Variants in RNF40 observed in about 807,000 individuals in gnomAD.
RNF40 encodes the protein E3 ubiquitin-protein ligase BRE1B.
Under a neutral mutation model 123.3 loss-of-function variants are expected in RNF40, and 39 were observed. That is an observed-to-expected ratio of 0.32 (90% CI 0.24 to 0.41). The LOEUF is 0.41. RNF40 is among the 10% of genes least tolerant of loss of function. The pLI is 1.00. For missense variants in RNF40, 1,003 were observed against 1,319.9 expected (o/e 0.76, Z 3.72); for synonymous variants, 538 against 526.0 (o/e 1.02, Z -0.31).
In RNF40 at chr16:30,774,735, C is replaced by G. The variant is rs1235918864; in HGVS notation, c.*621C>G. The G allele has an allele frequency of 5.8e-6, 2 of 343,406 alleles. No homozygotes were observed. The highest frequency in any genetic ancestry group is 4.3e-5 in the African/African-American group (2 of 46,424). The allele number at this position is 343,406 out of a possible 1,614,324, so 21.3% of individuals were successfully genotyped here. A position where few individuals can be genotyped will look rare whatever the true frequency, so the allele number is the denominator to read the frequency against. On this transcript the variant is annotated 3_prime_UTR_variant, in exon 20 of 20. Coordinates refer to ENST00000324685, the MANE Select transcript of RNF40 (RefSeq NM_014771.4). ...CCTTTGGGAAGCTCTAAGGTTGCTGCAGTCACCTTCCTCATCTTGCAGGTG... is the reference window on the plus strand; with the variant it reads ...CCTTTGGGAAGCTCTAAGGTTGCTGGAGTCACCTTCCTCATCTTGCAGGTG...
At chr16:30,767,869 C>G in intron 11 of RNF40, 25 bp from the exon 12 acceptor site, 2 of 1,614,156 alleles carry the variant, frequency 1.2e-6, no homozygotes, top group East Asian at 4.5e-5. Flanking sequence ...GGTTCTGACA[C>G]CTTTACTTGC....
intron 11 of RNF40, chr16:30,767,628 G>A (rs1296960990): frequency 5.6e-6 from 2 of 355,122 alleles, no homozygotes. Flanking sequence ...AACAAAGTGA[G>A]ACACTGTTTC....
chr16:30,764,441 G>T, intron 5 of RNF40, 56 bp downstream of exon 5: 2 of 1,464,936 alleles, frequency 1.4e-6, no homozygotes, highest in Non-Finnish European at 1.9e-6. Flanking sequence ...CATCTTGATG[G>T]CACCCCTTCC....
chr16:30,775,858 C>T lies in RNF40; in HGVS notation c.*1744C>T, dbSNP rs2054226514. Reference sequence around the variant, plus strand: ...TTGGCGCCCGGGACTTAAGCGGGGCCGCCGCTGCTGGACCAGGACGAACTG... The same window carrying T: ...TTGGCGCCCGGGACTTAAGCGGGGCTGCCGCTGCTGGACCAGGACGAACTG... On this transcript the variant is annotated 3_prime_UTR_variant, in exon 20 of 20. Coordinates refer to ENST00000324685, the MANE Select transcript of RNF40 (RefSeq NM_014771.4). 1 of 152,234 alleles carries T rather than the reference C, an allele frequency of 6.6e-6. No individual in the cohort carries two copies. Among genetic ancestry groups the T allele is most frequent in the Non-Finnish European group, 1.5e-5 (1 of 68,064 alleles). 9.4% of individuals were successfully genotyped at this position (152,234 alleles called of 1,614,324 possible). A position where few individuals can be genotyped will look rare whatever the true frequency, so the allele number is the denominator to read the frequency against.
chr16:30,762,281 G>A (rs1377565383), upstream of RNF40: 4 of 463,754 alleles, frequency 8.6e-6, no homozygotes, highest in Middle Eastern at 5.5e-4. Context: ...CACCGTTGGG[G>A]GGGGGGCAGT....
chr16:30,771,107 A>G (rs2054140656), intron 17 of RNF40, among the ~76,000 whole-genome samples: 1 of 152,226 alleles, frequency 6.6e-6, no homozygotes, highest in Non-Finnish European at 1.5e-5. Context: ...CTTCCAGTCA[A>G]AGCTGGAACT....
intron 11 of RNF40, chr16:30,767,663 C>A: frequency 4.2e-6 from 2 of 478,510 alleles, no homozygotes; most frequent in South Asian, 3.6e-5. Context: ...ACAAAAAACC[C>A]CACATATTCT....
At position 30,762,977 on chromosome 16, in the gene RNF40, T is replaced by C. The variant is rs556121600; in HGVS notation, c.133-141T>C. 3.1e-6 allele frequency: 3 copies of C among 967,888 alleles called. No homozygotes were observed. In the African/African-American group the frequency reaches 4.9e-5, roughly 16 times the overall value. The allele number at this position is 967,888 out of a possible 1,614,324, so 60.0% of individuals were successfully genotyped here. A position where few individuals can be genotyped will look rare whatever the true frequency, so the allele number is the denominator to read the frequency against. On this transcript the variant is annotated intron_variant, in intron 2 of 19. Coordinates refer to ENST00000324685, the MANE Select transcript of RNF40 (RefSeq NM_014771.4). ...ACTTTCGCTGTGTGTTGTCTGAGCC[T>C]CCTTAGATTCTGTTAGCGGTTAGTG...
intron 15 of RNF40, 83 bp from the exon 16 acceptor site, chr16:30,769,103 C>T: frequency 6.3e-7 from 1 of 1,595,414 alleles, no homozygotes; most frequent in Non-Finnish European, 8.6e-7. Flanking sequence ...TAGTTCTTTG[C>T]TTCGCTGCGT....
chr16:30,763,804 A>G (rs984525548), intron 4 of RNF40, among the ~76,000 whole-genome samples: 1 of 152,228 alleles, frequency 6.6e-6, no homozygotes, highest in African/African-American at 2.4e-5. Flanking sequence ...TGAGTATTAA[A>G]TATGTATTTG....
chr16:30,768,742 G>A lies in RNF40; in HGVS notation c.2097+6G>A. On this transcript the variant is annotated splice_donor_region_variant and intron_variant, in intron 14 of 19. Coordinates refer to ENST00000324685, the MANE Select transcript of RNF40 (RefSeq NM_014771.4). The surrounding 1 kb of genome is among the most constrained non-coding windows in gnomAD (Gnocchi z 4.1). ...AACGCAAGGCTAAGGCCGAGGTGAGGGCAGCTGGGGCTTGTGGGGCATTCA... is the reference window on the plus strand; with the variant it reads ...AACGCAAGGCTAAGGCCGAGGTGAGAGCAGCTGGGGCTTGTGGGGCATTCA... The A allele has an allele frequency of 6.2e-7, 1 of 1,613,328 alleles. No homozygotes were observed. Among genetic ancestry groups the A allele is most frequent in the African/African-American group, 1.3e-5 (1 of 75,062 alleles).
intron 19 of RNF40, 114 bp downstream of exon 19, chr16:30,772,304 G>C (rs1485562635): frequency 1.2e-6 from 1 of 843,994 alleles, no homozygotes; most frequent in South Asian, 1.4e-5. Flanking sequence ...GCAGAAAGTG[G>C]GCAGCACAGT....
At chr16:30,762,321 T>G (rs1357603836), upstream of RNF40, 6 of 488,424 alleles carry the variant, frequency 1.2e-5, no homozygotes, top group Non-Finnish European at 1.4e-5. Flanking sequence ...TGACGTCCGG[T>G]GAAATCCAAG....
Position 30,773,964 on chromosome 16 carries a change from C to T in RNF40, c.2856C>T (p.Asn952=). ...YKARLTCPCC[N]TRKKDAVLTK... ...CGCGGTTGACCTGCCCCTGCTGTAA[C>T]ACCCGCAAGAAGGATGCAGTCCTTA... The change falls in exon 20 of 20, where the codon AAC becomes AAT. Residue 952 remains asparagine (N), a synonymous_variant. Transcript: ENST00000324685. The T allele has an allele frequency of 6.2e-7, 1 of 1,613,230 alleles. No homozygotes were observed. Among genetic ancestry groups the T allele is most frequent in the South Asian group, 1.1e-5 (1 of 91,060 alleles).
Position 30,766,790 on chromosome 16 carries a change from T to C in RNF40, c.1343T>C (p.Leu448Pro). ...AAGCTACGCACAGAGGTCATTCAGC[T>C]GGAGGACACGCTGGCCCAGGTACGC... Reference protein sequence around the residue: ...QKKLRTEVIQLEDTLAQVRKE... With the variant: ...QKKLRTEVIQPEDTLAQVRKE... Residue 448 changes from leucine to proline, a missense_variant, in exon 11 of 20, where the codon CTG becomes CCG. Physicochemically the swap from Leu to Pro is moderately conservative, Grantham distance 98. Coordinates refer to ENST00000324685, the MANE Select transcript of RNF40 (RefSeq NM_014771.4). This position sits in a 1 kb window ranked among gnomAD's most constrained non-coding sequence, Gnocchi z 5.4. 6.2e-7 allele frequency: 1 copy of C among 1,614,078 alleles called. No individual in the cohort carries two copies. The highest frequency in any genetic ancestry group is 8.5e-7 in the Non-Finnish European group (1 of 1,180,014).
Position 30,764,954 on chromosome 16 carries a change from C to T in RNF40, c.666C>T (p.Leu222=). The change falls in exon 6 of 20, where the codon CTC becomes CTT. Residue 222 remains leucine, a synonymous_variant. Transcript: ENST00000324685. The part of the protein sequence containing the change: ...RVYSRGDSEP[L]SEAAQAHTRE... The stretch of plus-strand genomic sequence containing the variant: ...CCTTCCCAGGGGACAGTGAGCCCCT[C>T]AGTGAGGCGGCTCAGGCACACACCC... 1 of 1,612,268 alleles carries T rather than the reference C, an allele frequency of 6.2e-7. No individual in the cohort carries two copies. The highest frequency in any genetic ancestry group is 1.1e-5 in the South Asian group (1 of 90,998).
At chr16:30,767,789 C>T (rs573199464) in intron 11 of RNF40, 105 bp from the exon 12 acceptor site, 2 of 1,492,872 alleles carry the variant, frequency 1.3e-6, no homozygotes, top group African/African-American at 1.4e-5. Flanking sequence ...CAATGTTCCC[C>T]TCCTGCACAG....
rs759462704 is a variant in RNF40 at position 30,768,923 on chromosome 16, G to A, written c.2183G>A (p.Arg728Gln). ...AAGATCGCGGATGAGGATGCCCTGCGGCGCATTCGGCAGGCAGAGGAGCAG... is the reference window on the plus strand; with the variant it reads ...AAGATCGCGGATGAGGATGCCCTGCAGCGCATTCGGCAGGCAGAGGAGCAG... Reference protein sequence around the residue: ...SKKIADEDALRRIRQAEEQIE... With the variant: ...SKKIADEDALQRIRQAEEQIE... The change falls in exon 15 of 20, where the codon CGG (arginine) becomes CAG (glutamine). Residue 728 changes from arginine (R) to glutamine (Q), a missense_variant. Physicochemically the swap from Arg to Gln is conservative, Grantham distance 43. Transcript: ENST00000324685. The surrounding 1 kb of genome is among the most constrained non-coding windows in gnomAD (Gnocchi z 4.1). 45 of 1,614,036 alleles carry A rather than the reference G, an allele frequency of 2.8e-5. No homozygotes were observed. The highest frequency in any genetic ancestry group is 2.0e-4 in the Admixed American group (12 of 60,010).
rs1336067586 is a variant in RNF40 at position 30,764,369 on chromosome 16, G to C, written c.633G>C (p.Gln211His). Residue 211 changes from glutamine (Q) to histidine (H), a missense_variant, in exon 5 of 20, where the codon CAG becomes CAC. Physicochemically the swap from Gln to His is conservative, Grantham distance 24. Transcript: ENST00000324685. ...RLQRRVEELCQRVYSRGDSEP... is the reference protein window; with the variant it reads ...RLQRRVEELCHRVYSRGDSEP... ...AGCGCCGGGTGGAGGAACTCTGTCA[G>C]CGAGTGTACAGCCGAGGTGGGTTCT... is the stretch of plus-strand genomic sequence containing the variant. The C allele has an allele frequency of 5.0e-6, 8 of 1,613,112 alleles. No individual in the cohort carries two copies. The highest frequency in any genetic ancestry group is 5.9e-6 in the Non-Finnish European group (7 of 1,179,944).
Sources: allele counts gnomAD v4.1 joint callset (sites outside exome capture counted in the v4.1 genomes callset), GRCh38; gene constraint gnomAD v4.1.1; non-coding constraint Gnocchi (gnomAD v3.1); transcripts MANE v1.5; gene names NCBI Gene and HGNC (gene_info 2026-07-23, HGNC 2026-07-21).